Variants in KIAA1549L observed in about 807,000 individuals in gnomAD.
KIAA1549L encodes the protein UPF0606 protein KIAA1549L.
A neutral mutation model predicts 160.7 loss-of-function variants in KIAA1549L; 88 were observed. The observed-to-expected ratio is 0.55, with a 90% CI of 0.46 to 0.65. The LOEUF is 0.65. KIAA1549L is among the 30% of genes least tolerant of loss of function. KIAA1549L has a pLI of 0.00. For synonymous variants in KIAA1549L, 950 were observed against 976.7 expected, an observed-to-expected ratio of 0.97 and a Z score of 0.51; for missense variants, 2,258 against 2,437.5, an observed-to-expected ratio of 0.93 and a Z score of 1.55.
rs186080521 is a variant in KIAA1549L, at chr11:33,564,212, A to G, written c.4078+2477A>G. Among the ~76,000 whole-genome samples the G allele has an allele frequency of 1.1e-4, 16 of 152,270 alleles. No homozygotes were observed. In the East Asian group the frequency reaches 3.1e-3, roughly 29 times the overall value. On this transcript the variant is annotated intron_variant, in intron 8 of 20. Transcript: ENST00000658780. Reference sequence around the variant, plus strand: ...CCTTCTGAACCCCTGGGTAGCCACCAACCAACCTGCCCCATAATTTACCAA... The same window carrying G: ...CCTTCTGAACCCCTGGGTAGCCACCGACCAACCTGCCCCATAATTTACCAA...
At chr11:33,425,104 T>A (rs918831594) in intron 1 of KIAA1549L, among the ~76,000 whole-genome samples, 1 of 152,240 alleles carries the variant, frequency 6.6e-6, no homozygotes, top group African/African-American at 2.4e-5. Flanking sequence ...TCTTATTTTA[T>A]TCATTTGTAG....
At chr11:33,587,786 G>A (rs778545251) in intron 11 of KIAA1549L, among the ~76,000 whole-genome samples, 1 of 152,194 alleles carries the variant, frequency 6.6e-6, no homozygotes, top group Non-Finnish European at 1.5e-5. Flanking sequence ...GAAAGTGGGA[G>A]ATGGGACCAG....
intron 16 of KIAA1549L, among the ~76,000 whole-genome samples, chr11:33,622,086 G>A (rs991899736): frequency 2.6e-5 from 4 of 152,134 alleles, no homozygotes; most frequent in African/African-American, 9.7e-5. Context: ...AAGAAGGATG[G>A]TTGATTCATT....
chr11:33,547,509 C>T (rs1854304930), intron 3 of KIAA1549L, among the ~76,000 whole-genome samples: 1 of 152,164 alleles, frequency 6.6e-6, no homozygotes, highest in Non-Finnish European at 1.5e-5. Flanking sequence ...GAGGCAGCAT[C>T]TGTCAGAAAT....
chr11:33,380,475 G>C (rs1850051927), intron 1 of KIAA1549L, among the ~76,000 whole-genome samples: 1 of 152,202 alleles, frequency 6.6e-6, no homozygotes, highest in African/African-American at 2.4e-5. Flanking sequence ...TTTAGCATCA[G>C]TGACGTATGG....
intron 1 of KIAA1549L, among the ~76,000 whole-genome samples, chr11:33,442,370 G>A (rs868673903): frequency 6.6e-6 from 1 of 152,230 alleles, no homozygotes; most frequent in Middle Eastern, 3.4e-3. Context: ...CTCCAGCTTT[G>A]TTCTTTTGGC....
At position 33,379,235 on chromosome 11, in the gene KIAA1549L, A is replaced by C. The variant is rs116017649; in HGVS notation, c.238+2346A>C. ...CTGGAAAATTCTGTAGCAATTGTTC[A>C]GCACCTTCCTGTCCTGGAGACTCTG... On this transcript the variant is annotated intron_variant, in intron 1 of 20. Coordinates refer to ENST00000658780, the MANE Select transcript of KIAA1549L (RefSeq NM_012194.3). Among the ~76,000 whole-genome samples the C allele has an allele frequency of 8.3e-3, 1,268 of 152,326 alleles. 17 individuals carry two copies. Among genetic ancestry groups the C allele is most frequent in the African/African-American group, 0.029 (1,208 of 41,566 alleles).
intron 1 of KIAA1549L, among the ~76,000 whole-genome samples, chr11:33,458,670 AAT>A (rs1334752080): frequency 6.6e-6 from 1 of 152,210 alleles, no homozygotes; most frequent in Non-Finnish European, 1.5e-5. Flanking sequence ...CTGTAGGATG[AAT>A]AGTATTCAGG....
chr11:33,641,554 T>C (rs1851579213), intron 16 of KIAA1549L, among the ~76,000 whole-genome samples: 1 of 113,300 alleles, frequency 8.8e-6, no homozygotes, highest in Non-Finnish European at 1.9e-5. Flanking sequence ...CCCACAACTA[T>C]AGTATGGTAA....
In KIAA1549L at chr11:33,417,775, C is replaced by T. The variant is rs544627697; in HGVS notation, c.238+40886C>T. 9.2e-5 allele frequency among the ~76,000 whole-genome samples: 14 copies of T among 151,948 alleles called. No individual in the cohort carries two copies. The South Asian group carries it at 2.9e-3, about 32-fold the overall frequency. ...TCCTTCCTTCCTTCTGTCCTTCTGT[C>T]GTTTTGTTTTTTGTTTCTTTTCTAC... is the stretch of plus-strand genomic sequence containing the variant. On this transcript the variant is annotated intron_variant, in intron 1 of 20. Transcript: ENST00000658780.
intron 1 of KIAA1549L, among the ~76,000 whole-genome samples, chr11:33,520,302 A>G (rs750634823): frequency 1.8e-4 from 28 of 152,054 alleles, no homozygotes; most frequent in Non-Finnish European, 3.4e-4. Flanking sequence ...CTCCCTCAAC[A>G]GCCCCTAGTA....
chr11:33,402,276 CAG>C (rs1011491589), intron 1 of KIAA1549L, among the ~76,000 whole-genome samples: 9 of 152,336 alleles, frequency 5.9e-5, no homozygotes, highest in Admixed American at 2.6e-4. Flanking sequence ...CCAGAAACCA[CAG>C]AGTCATCCTA....
chr11:33,402,136 T>C (rs750820583), intron 1 of KIAA1549L, among the ~76,000 whole-genome samples: 2 of 152,202 alleles, frequency 1.3e-5, no homozygotes, highest in African/African-American at 2.4e-5. Flanking sequence ...TTCCCTCTTA[T>C]GGACACTTCA....
chr11:33,653,268 T>C (rs1280676870), intron 17 of KIAA1549L, among the ~76,000 whole-genome samples: 1 of 152,238 alleles, frequency 6.6e-6, no homozygotes. Flanking sequence ...TGTCTTAGCA[T>C]ACATTGTTTA....
At chr11:33,404,962 C>G (rs960919080) in intron 1 of KIAA1549L, among the ~76,000 whole-genome samples, 1 of 145,984 alleles carries the variant, frequency 6.9e-6, no homozygotes, top group African/African-American at 2.5e-5. Flanking sequence ...GAGCCAAGAT[C>G]GCACCACTGC....
At chr11:33,661,565 GT>G (rs1852260833) in intron 20 of KIAA1549L, among the ~76,000 whole-genome samples, 1 of 152,174 alleles carries the variant, frequency 6.6e-6, no homozygotes, top group African/African-American at 2.4e-5. Flanking sequence ...TAGAAGAAAT[GT>G]CAGAAAATGA....
At chr11:33,494,334 C>T (rs1382067251) in intron 1 of KIAA1549L, among the ~76,000 whole-genome samples, 1 of 152,130 alleles carries the variant, frequency 6.6e-6, no homozygotes, top group Non-Finnish European at 1.5e-5. Context: ...AAGCCAAATC[C>T]ACTCATGGAA....
At position 33,559,761 on chromosome 11, in the gene KIAA1549L, T is replaced by G. The variant is rs1273307302; in HGVS notation, c.3868T>G (p.Ser1290Ala). 3 of 1,613,796 alleles carry G rather than the reference T, an allele frequency of 1.9e-6. No individual in the cohort carries two copies. The African/African-American group carries it at 4.0e-5, about 22-fold the overall frequency. The part of the protein sequence containing the change: ...SNLTIQIVST[S>A]NASQAVTLVY... ...TGTGTTGATTCAGATTGTGAGCACG[T>G]CCAATGCCTCCCAGGCAGTCACCTT... The change falls in exon 7 of 21, where the codon TCC (serine) becomes GCC (alanine). Residue 1290 changes from serine (S) to alanine (A), a missense_variant. By Grantham distance (99) the Ser-to-Ala change is moderately conservative. This residue lies in a region of KIAA1549L where 1,359 missense variants were observed against 1,546.6 expected (regional missense o/e 0.88). Coordinates refer to ENST00000658780, the MANE Select transcript of KIAA1549L (RefSeq NM_012194.3).
chr11:33,499,399 G>C (rs1234879186), intron 1 of KIAA1549L, among the ~76,000 whole-genome samples: 1 of 152,186 alleles, frequency 6.6e-6, no homozygotes, highest in Non-Finnish European at 1.5e-5. Context: ...TTTATTTATT[G>C]GGGTATTTTG....
Sources: allele counts gnomAD v4.1 joint callset (sites outside exome capture counted in the v4.1 genomes callset), GRCh38; gene constraint gnomAD v4.1.1; regional missense constraint gnomAD v4.1.1; transcripts MANE v1.5; gene names NCBI Gene and HGNC (gene_info 2026-07-23, HGNC 2026-07-21).